Variants in VAV2 observed in about 807,000 individuals in gnomAD.
VAV2 encodes guanine nucleotide exchange factor VAV2.
Under a neutral mutation model 132.5 loss-of-function variants are expected in VAV2, and 67 were observed. That is an observed-to-expected ratio of 0.51 (90% CI 0.42 to 0.62). The LOEUF (loss-of-function observed/expected upper bound fraction) is 0.62. Ranked by LOEUF, VAV2 falls within the 20% of genes least tolerant of loss-of-function variation. VAV2 has a pLI of 0.00. For missense variants in VAV2, 938 were observed against 1,153.6 expected, an observed-to-expected ratio of 0.81 and a Z score of 2.71; for synonymous variants, 492 against 443.5, an observed-to-expected ratio of 1.11 and a Z score of -1.37.
At chr9:133,835,641 T>C (rs1347206756) in intron 3 of VAV2, among the ~76,000 whole-genome samples, 1 of 152,166 alleles carries the variant, frequency 6.6e-6, no homozygotes, top group Non-Finnish European at 1.5e-5. Flanking sequence ...CGGGCCCAGA[T>C]GCCAGCTGGG....
chr9:133,917,356 TC>T (rs1840130019), intron 2 of VAV2, among the ~76,000 whole-genome samples: 1 of 151,860 alleles, frequency 6.6e-6, no homozygotes, highest in Admixed American at 6.6e-5. Context: ...AAGGAATGAT[TC>T]TCTAATGGTG....
At chr9:133,775,659 T>C (rs1331562648) in intron 24 of VAV2, among the ~76,000 whole-genome samples, 1 of 152,250 alleles carries the variant, frequency 6.6e-6, no homozygotes, top group African/African-American at 2.4e-5. Context: ...AGCCTCACTG[T>C]TCCCACCAAG....
rs1418773754 is a variant in VAV2 at position 133,846,880 on chromosome 9, C to T, written c.381-12540G>A. Among the ~76,000 whole-genome samples the T allele has an allele frequency of 3.3e-5, 5 of 152,362 alleles. No homozygotes were observed. The South Asian group carries it at 8.3e-4, about 25-fold the overall frequency. On this transcript the variant is annotated intron_variant, in intron 3 of 29. Coordinates refer to ENST00000371850, the MANE Select transcript of VAV2 (RefSeq NM_001134398.2). ...GTGATCGGGTCACCAGGCCACTGGG[C>T]AGGGGCTCCCAGCAAGCGTGAAGAT...
intron 2 of VAV2, among the ~76,000 whole-genome samples, chr9:133,929,717 G>A (rs1419286057): frequency 2.6e-5 from 4 of 152,070 alleles, no homozygotes; most frequent in Non-Finnish European, 5.9e-5. Flanking sequence ...TCTGCAGCAG[G>A]TGCACAGCCG....
rs536697903 is a variant in VAV2 at position 133,826,914 on chromosome 9, C to A, written c.449+7358G>T. On this transcript the variant is annotated intron_variant, in intron 4 of 29. Transcript: ENST00000371850. This position sits in a 1 kb window ranked among gnomAD's most constrained non-coding sequence, Gnocchi z 4.2. Reference sequence around the variant, plus strand: ...TGCCACAGCGGCACCAGTGTCCTCGCAAGACGCACTCATCACGGCGCTCTG... The same window carrying A: ...TGCCACAGCGGCACCAGTGTCCTCGAAAGACGCACTCATCACGGCGCTCTG... Among the ~76,000 whole-genome samples the A allele has an allele frequency of 1.9e-3, 294 of 152,282 alleles. No homozygotes were observed. The highest frequency in any genetic ancestry group is 6.7e-3 in the African/African-American group (278 of 41,554).
intron 2 of VAV2, among the ~76,000 whole-genome samples, chr9:133,930,653 C>T (rs907718780): frequency 2.6e-5 from 4 of 152,260 alleles, no homozygotes; most frequent in Non-Finnish European, 5.9e-5. Flanking sequence ...GCAGAGCACA[C>T]GTGAGATGCA....
intron 2 of VAV2, among the ~76,000 whole-genome samples, chr9:133,871,467 C>CGGATGGATGGAT (rs149156422): frequency 3.5e-5 from 5 of 141,014 alleles, no homozygotes; most frequent in Non-Finnish European, 4.7e-5. Flanking sequence ...GATGGAGAAG[C>CGGATGGATGGAT]GGATGGATGG....
chr9:133,988,232 C>T (rs1000980311), intron 1 of VAV2, among the ~76,000 whole-genome samples: 2 of 149,994 alleles, frequency 1.3e-5, no homozygotes, highest in East Asian at 2.0e-4. Context: ...GGCACCCACC[C>T]CCCACCCCTG....
At chr9:133,767,329 G>T (rs950953198) in intron 29 of VAV2, among the ~76,000 whole-genome samples, 4 of 152,156 alleles carry the variant, frequency 2.6e-5, no homozygotes, top group African/African-American at 9.7e-5. Context: ...CACAAAAGCA[G>T]ATCAAGGAGA....
chr9:133,798,539 C>T (rs1834810803), intron 9 of VAV2, among the ~76,000 whole-genome samples: 1 of 152,212 alleles, frequency 6.6e-6, no homozygotes, highest in African/African-American at 2.4e-5. Flanking sequence ...ACTGGGCCCA[C>T]ATCTCTACAA....
In VAV2 at chr9:133,871,467, C is replaced by T. The variant is rs1026045948; in HGVS notation, c.322-10035G>A. ...ATGGATGGATGGATGGATGGAGAAG[C>T]GGATGGATGGATGGATGGATGGATG... On this transcript the variant is annotated intron_variant, in intron 2 of 29. Transcript: ENST00000371850. 2.0e-3 allele frequency among the ~76,000 whole-genome samples: 276 copies of T among 141,100 alleles called. 1 individual carries two copies. Among genetic ancestry groups the T allele is most frequent in the African/African-American group, 6.3e-3 (241 of 38,162 alleles). 92.6% of individuals were successfully genotyped at this position (141,100 alleles called of 152,430 possible). A position where few individuals can be genotyped will look rare whatever the true frequency, so the allele number is the denominator to read the frequency against.
intron 2 of VAV2, among the ~76,000 whole-genome samples, chr9:133,869,659 G>A (rs1382253113): frequency 6.6e-6 from 1 of 152,118 alleles, no homozygotes; most frequent in Non-Finnish European, 1.5e-5. Context: ...CCACACTGGC[G>A]ACCATGTGAT....
chr9:133,838,129 C>T (rs1039206335), intron 3 of VAV2, among the ~76,000 whole-genome samples: 5 of 152,100 alleles, frequency 3.3e-5, no homozygotes, highest in South Asian at 4.1e-4. Context: ...CCTTTCACTC[C>T]GCTCCCCCCA....
intron 1 of VAV2, among the ~76,000 whole-genome samples, chr9:133,943,294 TGAG>T (rs1841239094): frequency 6.6e-6 from 1 of 152,116 alleles, no homozygotes; most frequent in African/African-American, 2.4e-5. Context: ...GACCCAAGGC[TGAG>T]GTTGCTGCAG....
chr9:133,776,706 G>A (rs1833827326), intron 23 of VAV2, among the ~76,000 whole-genome samples: 1 of 152,160 alleles, frequency 6.6e-6, no homozygotes, highest in Non-Finnish European at 1.5e-5. Context: ...CACGCAAAGT[G>A]CCCTAAGTGC....
Position 133,992,282 on chromosome 9 carries a change from G to C in VAV2, c.-4C>G, listed in dbSNP as rs199848123. The C allele has an allele frequency of 2.2e-3, 3,371 of 1,535,336 alleles. 10 individuals are homozygous for C. The highest frequency in any genetic ancestry group is 2.7e-3 in the Non-Finnish European group (3,117 of 1,140,922). ...CGCACTGCCGCCACTGCTCCATGGCGCCCGCGGGCCCGACCGGCTCAGGGC... is the reference window on the plus strand; with the variant it reads ...CGCACTGCCGCCACTGCTCCATGGCCCCCGCGGGCCCGACCGGCTCAGGGC... On this transcript the variant is annotated 5_prime_UTR_variant, in exon 1 of 30. Coordinates refer to ENST00000371850, the MANE Select transcript of VAV2 (RefSeq NM_001134398.2). This position sits in a 1 kb window ranked among gnomAD's most constrained non-coding sequence, Gnocchi z 5.5.
intron 3 of VAV2, among the ~76,000 whole-genome samples, chr9:133,846,898 G>A (rs913562829): frequency 5.9e-5 from 9 of 152,212 alleles, no homozygotes; most frequent in Non-Finnish European, 1.2e-4. Context: ...CCCAGCAAGC[G>A]TGAAGATGAG....
chr9:133,888,657 C>G (rs963680490), intron 2 of VAV2, among the ~76,000 whole-genome samples: 5 of 152,180 alleles, frequency 3.3e-5, no homozygotes, highest in Non-Finnish European at 7.3e-5. Context: ...ATCGTGGACA[C>G]GATAAGACCA....
chr9:133,860,321 T>C (rs970460129), intron 3 of VAV2, among the ~76,000 whole-genome samples: 2 of 151,086 alleles, frequency 1.3e-5, no homozygotes, highest in African/African-American at 4.9e-5. Flanking sequence ...AAAAAGTCTA[T>C]CCTATATTTC....
Sources: gnomAD v4.1 joint callset for allele counts (sites outside exome capture counted in the v4.1 genomes callset) on GRCh38, gnomAD v4.1.1 for gene constraint, Gnocchi (gnomAD v3.1) non-coding constraint, MANE v1.5 for transcripts, NCBI Gene and HGNC (gene_info 2026-07-23, HGNC 2026-07-21) for gene names.